The following ZNF704 variants were observed in gnomAD, a reference collection of about 807,000 sequenced individuals.
ZNF704 encodes the protein glucocorticoid induced gene 1.
ZNF704 carries 10 observed loss-of-function variants against 44.7 expected under a neutral mutation model. The observed-to-expected ratio is 0.22, with a 90% CI of 0.14 to 0.38. ZNF704 has a LOEUF of 0.38. ZNF704 is among the 10% of genes least tolerant of loss of function. ZNF704 has a pLI of 1.00. For synonymous variants in ZNF704, 211 were observed against 207.6 expected, an observed-to-expected ratio of 1.02 and a Z score of -0.14; for missense variants, 390 against 545.5, an observed-to-expected ratio of 0.71 and a Z score of 2.84.
chr8:80,704,904 G>A (rs1818871963), intron 2 of ZNF704, among the ~76,000 whole-genome samples: 1 of 152,214 alleles, frequency 6.6e-6, no homozygotes, highest in Non-Finnish European at 1.5e-5. Context: ...AACCTGAGGA[G>A]GGTGTCCTGG....
intron 2 of ZNF704, among the ~76,000 whole-genome samples, chr8:80,709,051 C>A (rs762256546): frequency 3.2e-4 from 49 of 152,254 alleles, no homozygotes; most frequent in Admixed American, 1.0e-3. Flanking sequence ...ACATCACTAA[C>A]ATTAACATTT....
chr8:80,663,999 G>C (rs1210858952), intron 6 of ZNF704, among the ~76,000 whole-genome samples: 1 of 151,896 alleles, frequency 6.6e-6, no homozygotes, highest in Non-Finnish European at 1.5e-5. Flanking sequence ...CCAAAGTTCT[G>C]GGATTACAGG....
At chr8:80,843,796 CCTT>C (rs1808719675) in intron 1 of ZNF704, among the ~76,000 whole-genome samples, 3 of 152,046 alleles carry the variant, frequency 2.0e-5, no homozygotes, top group Admixed American at 2.0e-4. Flanking sequence ...ACACCAGTCT[CCTT>C]TTTTCCCCAG....
intron 1 of ZNF704, among the ~76,000 whole-genome samples, chr8:80,859,787 T>C (rs1443766473): frequency 2.0e-5 from 3 of 152,118 alleles, no homozygotes; most frequent in Non-Finnish European, 4.4e-5. Context: ...TACTGGATGA[T>C]TGGAAATGAG....
At chr8:80,802,239 T>C (rs1368506892) in intron 2 of ZNF704, among the ~76,000 whole-genome samples, 2 of 140,730 alleles carry the variant, frequency 1.4e-5, no homozygotes, top group African/African-American at 2.7e-5. Flanking sequence ...GTTTCACAGA[T>C]GAATTCTACC....
At chr8:80,734,548 C>A (rs2131684530) in intron 2 of ZNF704, among the ~76,000 whole-genome samples, 1 of 152,194 alleles carries the variant, frequency 6.6e-6, no homozygotes, top group East Asian at 1.9e-4. Flanking sequence ...AGGAAGGAAA[C>A]AAATTGCCAG....
chr8:80,818,094 GA>G (rs1342589944), intron 2 of ZNF704, among the ~76,000 whole-genome samples: 1 of 152,138 alleles, frequency 6.6e-6, no homozygotes, highest in African/African-American at 2.4e-5. Flanking sequence ...CTAGTTACAT[GA>G]AATAAGCGAT....
At chr8:80,687,032 A>G (rs900952332) in intron 4 of ZNF704, among the ~76,000 whole-genome samples, 194 bp downstream of exon 4, 1 of 152,234 alleles carries the variant, frequency 6.6e-6, no homozygotes, top group Non-Finnish European at 1.5e-5. Flanking sequence ...GAAACTTACC[A>G]GTATTTGTCA....
At chr8:80,815,213 T>C (rs1057476098) in intron 2 of ZNF704, among the ~76,000 whole-genome samples, 8 of 152,364 alleles carry the variant, frequency 5.3e-5, no homozygotes, top group African/African-American at 1.7e-4. Context: ...TAGTACCATA[T>C]GGTTTGTTTT....
chr8:80,656,063 G>A (rs1818010145), intron 7 of ZNF704, among the ~76,000 whole-genome samples: 1 of 152,150 alleles, frequency 6.6e-6, no homozygotes, highest in African/African-American at 2.4e-5. Flanking sequence ...ATAAGGGTGG[G>A]GCCCTGACCC....
intron 1 of ZNF704, among the ~76,000 whole-genome samples, chr8:80,838,769 T>G: frequency 7.9e-6 from 1 of 126,534 alleles, no homozygotes; most frequent in Non-Finnish European, 1.6e-5. Context: ...CCACCCGAGG[T>G]GGCAATGGAG....
chr8:80,725,297 C>T (rs1321918806), intron 2 of ZNF704, among the ~76,000 whole-genome samples: 1 of 152,164 alleles, frequency 6.6e-6, no homozygotes, highest in African/African-American at 2.4e-5. Context: ...ATTAAATTTT[C>T]ATCTCAGATA....
chr8:80,836,479 T>C (rs925387448), intron 1 of ZNF704, among the ~76,000 whole-genome samples: 4 of 152,166 alleles, frequency 2.6e-5, no homozygotes, highest in African/African-American at 9.7e-5. Flanking sequence ...CTATATCAGC[T>C]ACAGAATTAT....
At chr8:80,663,603 T>C (rs1056328738) in intron 6 of ZNF704, among the ~76,000 whole-genome samples, 1 of 152,102 alleles carries the variant, frequency 6.6e-6, no homozygotes, top group African/African-American at 2.4e-5. Context: ...GCACTGTTGA[T>C]TTGGGGAACA....
intron 5 of ZNF704, among the ~76,000 whole-genome samples, chr8:80,669,135 C>T (rs1246981593): frequency 6.6e-6 from 1 of 152,172 alleles, no homozygotes; most frequent in Non-Finnish European, 1.5e-5. Context: ...ACAGCATATG[C>T]TTCTGATGGG....
At chr8:80,666,155 C>T (rs964953493) in intron 5 of ZNF704, among the ~76,000 whole-genome samples, 1 of 144,138 alleles carries the variant, frequency 6.9e-6, no homozygotes, top group Non-Finnish European at 1.5e-5. Flanking sequence ...TGATATTCCC[C>T]TTCCTGTGTC....
chr8:80,792,663 T>C (rs77441145), intron 2 of ZNF704, among the ~76,000 whole-genome samples: 2,962 of 152,296 alleles, frequency 0.019, 85 homozygotes, highest in African/African-American at 0.066. Flanking sequence ...GAGTAAAGGT[T>C]TCCTCTTGCT....
intron 7 of ZNF704, among the ~76,000 whole-genome samples, chr8:80,654,256 G>A (rs1385576264): frequency 6.6e-6 from 1 of 151,808 alleles, no homozygotes; most frequent in Non-Finnish European, 1.5e-5. Flanking sequence ...AACCTAGGCA[G>A]TACCATTCAG....
At chr8:80,826,550 G>C (rs1352839741) in intron 1 of ZNF704, among the ~76,000 whole-genome samples, 5 of 152,124 alleles carry the variant, frequency 3.3e-5, no homozygotes, top group East Asian at 1.9e-4. Context: ...TAGAAAAAGA[G>C]GGAATCCTCC....
Sources: gnomAD v4.1 joint callset for allele counts (sites outside exome capture counted in the v4.1 genomes callset) on GRCh38, gnomAD v4.1.1 for gene constraint, MANE v1.5 for transcripts, NCBI Gene and HGNC (gene_info 2026-07-23, HGNC 2026-07-21) for gene names.